CD99: variants seen among roughly 807,000 people sequenced by gnomAD.
CD99 encodes the protein CD99 molecule (Xg blood group).
CD99 carries 19 observed loss-of-function variants against 28.4 expected under a neutral mutation model. The ratio of observed to expected loss-of-function variants is 0.67; its 90% CI spans 0.47 to 0.98. CD99 has a LOEUF of 0.98. Ranked by LOEUF, CD99 falls within the 50% of genes least tolerant of loss-of-function variation. The pLI, the probability that CD99 is intolerant of heterozygous loss-of-function variation, is 0.00. For synonymous variants in CD99, 103 were observed against 92.1 expected (o/e 1.12, Z -0.67); for missense variants, 283 against 248.8 (o/e 1.14, Z -0.92).
At chrX:2,725,126 T>A (rs1220426005) in intron 7 of CD99, among the ~76,000 whole-genome samples, 5 of 147,378 alleles carry the variant, frequency 3.4e-5, no homozygotes, top group African/African-American at 1.2e-4. Context: ...CTGAGTGTGG[T>A]GGCTCATGCG....
At chrX:2,738,998 C>T (rs1203343589) in intron 9 of CD99, among the ~76,000 whole-genome samples, 1 of 151,926 alleles carries the variant, frequency 6.6e-6, no homozygotes, top group Middle Eastern at 3.2e-3. Flanking sequence ...CAGGCGTGCA[C>T]CACCGTGTCC....
At chrX:2,705,261 T>C (rs1365041558) in intron 1 of CD99, among the ~76,000 whole-genome samples, 2 of 152,196 alleles carry the variant, frequency 1.3e-5, no homozygotes, top group African/African-American at 4.8e-5. Context: ...ATCTGGCACA[T>C]TGTGTTTTCT....
intron 1 of CD99, among the ~76,000 whole-genome samples, chrX:2,708,832 C>CA (rs1376687041): frequency 2.0e-5 from 3 of 152,088 alleles, no homozygotes; most frequent in African/African-American, 7.2e-5. Context: ...AGTCCTGAAG[C>CA]AGAGGGGAAG....
chrX:2,737,878 TAG>T (rs1373546954), intron 8 of CD99: 5 of 500,506 alleles, frequency 1.0e-5, no homozygotes, highest in Middle Eastern at 6.0e-4. Flanking sequence ...TTTTTTTTTA[TAG>T]AAAGAGCTTC....
At chrX:2,695,691 T>C (rs1352438089) in intron 1 of CD99, among the ~76,000 whole-genome samples, 1 of 150,402 alleles carries the variant, frequency 6.6e-6, no homozygotes. Context: ...TGGAGTGCAA[T>C]GGCAGGATCT....
intron 7 of CD99, among the ~76,000 whole-genome samples, chrX:2,723,632 C>G (rs2049118034): frequency 6.6e-6 from 1 of 152,186 alleles, no homozygotes; most frequent in African/African-American, 2.4e-5. Context: ...ACCCCTACAT[C>G]ACGCTTCGCC....
At chrX:2,740,287 G>A (rs1415676759) in intron 9 of CD99, among the ~76,000 whole-genome samples, 2 of 152,130 alleles carry the variant, frequency 1.3e-5, no homozygotes, top group Non-Finnish European at 2.9e-5. Context: ...CTTGAAGGGC[G>A]TGGCATTCCA....
intron 4 of CD99, among the ~76,000 whole-genome samples, chrX:2,719,911 C>G (rs141971970): frequency 9.0e-4 from 137 of 152,196 alleles, no homozygotes; most frequent in African/African-American, 3.2e-3. Flanking sequence ...TTTTAAAACT[C>G]TTACAGTCTT....
chrX:2,733,304 C>T lies in CD99; in HGVS notation c.476-4896C>T, dbSNP rs192797301. 1.1e-4 allele frequency: 175 copies of T among 1,543,780 alleles called. 1 individual carries two copies. The African/African-American group carries it at 2.1e-3, about 19-fold the overall frequency. Reference sequence around the variant, plus strand: ...GCGCACAGCAAAAGCAGACCCAGCACCAGTTTACTTTTTGTATTATTATTT... The same window carrying T: ...GCGCACAGCAAAAGCAGACCCAGCATCAGTTTACTTTTTGTATTATTATTT... On this transcript the variant is annotated intron_variant, in intron 8 of 9. Transcript: ENST00000381192.
chrX:2,719,396 T>C (rs2048889461), intron 3 of CD99: 2 of 418,954 alleles, frequency 4.8e-6, no homozygotes, highest in African/African-American at 2.7e-5. Context: ...TCTCTCTCTC[T>C]CTCCCCACTG....
At chrX:2,739,918 A>C (rs1569452939) in intron 9 of CD99, among the ~76,000 whole-genome samples, 2 of 128,344 alleles carry the variant, frequency 1.6e-5, no homozygotes. Flanking sequence ...TCTACTAAAA[A>C]TTAAAAAAAA....
intron 1 of CD99, among the ~76,000 whole-genome samples, chrX:2,693,477 C>T (rs1415725901): frequency 6.6e-6 from 1 of 152,152 alleles, no homozygotes; most frequent in African/African-American, 2.4e-5. Context: ...TCTTTGCAGT[C>T]TGACCCTGCT....
At chrX:2,722,341 A>T (rs2049032619) in intron 5 of CD99, among the ~76,000 whole-genome samples, 1 of 152,010 alleles carries the variant, frequency 6.6e-6, no homozygotes, top group African/African-American at 2.4e-5. Context: ...TTGTTTTGAG[A>T]CTGAGTTTAG....
intron 1 of CD99, among the ~76,000 whole-genome samples, chrX:2,694,806 G>A (rs1420764806): frequency 6.6e-6 from 1 of 152,032 alleles, no homozygotes; most frequent in Non-Finnish European, 1.5e-5. Flanking sequence ...CTGTGTATGA[G>A]ACAGAGTTTT....
Position 2,691,316 on chromosome X carries a change from C to CA in CD99, c.-44dup. 1 of 1,490,464 alleles carries CA rather than the reference C, an allele frequency of 6.7e-7. No homozygotes were observed. The highest frequency in any genetic ancestry group is 8.9e-7 in the Non-Finnish European group (1 of 1,123,444). 92.3% of individuals were successfully genotyped at this position (1,490,464 alleles called of 1,614,324 possible). On this transcript the variant is annotated 5_prime_UTR_variant, in exon 1 of 10. Coordinates refer to ENST00000381192, the MANE Select transcript of CD99 (RefSeq NM_002414.5). The stretch of plus-strand genomic sequence containing the variant: ...GAGTATCTGTCCTGCCGCCTTCGCC[C>CA]ACGCCCTGCACTCCGGGACCGTCCC...
intron 8 of CD99, among the ~76,000 whole-genome samples, chrX:2,728,041 G>C (rs980745183): frequency 6.6e-6 from 1 of 152,006 alleles, no homozygotes; most frequent in Admixed American, 6.6e-5. Flanking sequence ...TATTTAGAGC[G>C]TGAAATGGAG....
At chrX:2,698,185 CTTT>C (rs749180860) in intron 1 of CD99, among the ~76,000 whole-genome samples, 6 of 134,776 alleles carry the variant, frequency 4.5e-5, no homozygotes, top group African/African-American at 2.7e-5. Flanking sequence ...TTCTTTGTTT[CTTT>C]TTTTTTTTTT....
intron 1 of CD99, among the ~76,000 whole-genome samples, chrX:2,708,046 G>A (rs1456049635): frequency 6.6e-6 from 1 of 152,110 alleles, no homozygotes; most frequent in African/African-American, 2.4e-5. Flanking sequence ...CATTGATTGG[G>A]TTTGCTTCCC....
intron 1 of CD99, among the ~76,000 whole-genome samples, chrX:2,706,147 C>T (rs1038278999): frequency 5.9e-5 from 9 of 151,752 alleles, no homozygotes; most frequent in African/African-American, 1.9e-4. Context: ...ATCACGAGTT[C>T]AGGAGATCGA....
Sources: allele counts gnomAD v4.1 joint callset (sites outside exome capture counted in the v4.1 genomes callset), GRCh38; gene constraint gnomAD v4.1.1; transcripts MANE v1.5; gene names NCBI Gene and HGNC (gene_info 2026-07-23, HGNC 2026-07-21).